Variants in RAB17 observed in about 807,000 individuals in gnomAD.
The protein encoded by RAB17 is ras-related protein Rab-17.
RAB17 carries 15 observed loss-of-function variants against 19.3 expected under a neutral mutation model. The observed-to-expected ratio is 0.78, with a 90% CI of 0.52 to 1.20. The LOEUF is 1.20. Among genes scored for constraint, RAB17 ranks in the 50% most tolerant of loss-of-function variants. RAB17 has a pLI of 0.00. For missense variants in RAB17, 262 were observed against 269.3 expected, an observed-to-expected ratio of 0.97 and a Z score of 0.19; for synonymous variants, 110 against 112.8, an observed-to-expected ratio of 0.97 and a Z score of 0.16.
chr2:237,586,540 A>G (rs2081351944), intron 1 of RAB17, among the ~76,000 whole-genome samples: 1 of 152,164 alleles, frequency 6.6e-6, no homozygotes, highest in Non-Finnish European at 1.5e-5. Context: ...AGGAGAGGTA[A>G]AAAGCATCTG....
In RAB17 at chr2:237,575,066, C is replaced by T; in HGVS notation, c.592G>A (p.Ala198Thr). The T allele has an allele frequency of 6.2e-7, 1 of 1,613,802 alleles. No homozygotes were observed. The highest frequency in any genetic ancestry group is 8.5e-7 in the Non-Finnish European group (1 of 1,179,908). Residue 198 changes from alanine to threonine, a missense_variant, in exon 6 of 6, where the codon GCT (alanine) becomes ACT (threonine). By Grantham distance (58) the Ala-to-Thr change is moderately conservative (BLOSUM62 0). Coordinates refer to ENST00000264601, the MANE Select transcript of RAB17 (RefSeq NM_022449.4). ...TGCCTCGCGGGCCCCTTGTTCAGAG[C>T]CACAGCTGCATCCCCCCGTAGAGCC... ...GQALRGDAAV[A>T]LNKGPARQAK...
At chr2:237,575,303 C>A (rs1280460069) in intron 5 of RAB17, 84 bp downstream of exon 5, 3 of 1,180,956 alleles carry the variant, frequency 2.5e-6, no homozygotes, top group African/African-American at 3.0e-5. Flanking sequence ...CTATGGGATA[C>A]CACGTCACCA....
At chr2:237,588,504 G>A (rs111620100) in intron 1 of RAB17, among the ~76,000 whole-genome samples, 1 of 152,176 alleles carries the variant, frequency 6.6e-6, no homozygotes, top group African/African-American at 2.4e-5. Context: ...GTCAGCTGGG[G>A]ACAGGCTCTC....
intron 2 of RAB17, among the ~76,000 whole-genome samples, chr2:237,585,026 A>G (rs2081338760): frequency 6.6e-6 from 1 of 152,134 alleles, no homozygotes; most frequent in Non-Finnish European, 1.5e-5. Flanking sequence ...TCCCCTGGGG[A>G]TCCTTCAGGA....
intron 4 of RAB17, chr2:237,575,911 G>C (rs1335800382): frequency 5.9e-6 from 1 of 170,774 alleles, no homozygotes; most frequent in Non-Finnish European, 1.3e-5. Context: ...GCTCTCCTCT[G>C]GGGAGAAATG....
intron 3 of RAB17, 80 bp from the exon 4 acceptor site, chr2:237,577,462 T>C (rs2081274784): frequency 1.4e-6 from 2 of 1,464,720 alleles, no homozygotes; most frequent in Non-Finnish European, 1.8e-6. Context: ...AAGCCAGTGT[T>C]GCTGATCACG....
chr2:237,577,089 GTGCATGTGTGTAAA>G (rs1337821689), intron 4 of RAB17, among the ~76,000 whole-genome samples, 154 bp downstream of exon 4: 1 of 152,036 alleles, frequency 6.6e-6, no homozygotes, highest in Non-Finnish European at 1.5e-5. Context: ...TGTGGGGGGT[GTGCATGTGTGTAAA>G]TGCATGTGGG....
rs1159574642 is a variant in RAB17 at position 237,575,410 on chromosome 2, A to G, written c.506T>C (p.Val169Ala). Residue 169 changes from valine to alanine, a missense_variant, in exon 5 of 6, where the codon GTG (valine) becomes GCG (alanine). Val to Ala is a moderately conservative substitution (Grantham distance 64, BLOSUM62 0). Coordinates refer to ENST00000264601, the MANE Select transcript of RAB17 (RefSeq NM_022449.4). ...ACCCACTGTATTGAACACCTCCGAC[A>G]CCTGGTGGTTCAGTTTGGCCGAAGT... ...METSAKLNHQVSEVFNTVAQE... is the reference protein window; with the variant it reads ...METSAKLNHQASEVFNTVAQE... 1.2e-6 allele frequency: 2 copies of G among 1,612,118 alleles called. No homozygotes were observed. Among genetic ancestry groups the G allele is most frequent in the East Asian group, 2.2e-5 (1 of 44,862 alleles).
intron 1 of RAB17, among the ~76,000 whole-genome samples, chr2:237,587,071 C>T (rs771627584): frequency 1.1e-4 from 17 of 152,150 alleles, no homozygotes; most frequent in Non-Finnish European, 1.5e-4. Flanking sequence ...TTTTTGATAC[C>T]GCGGTGGTTC....
chr2:237,578,181 T>A, intron 2 of RAB17, 26 bp from the exon 3 acceptor site: 1 of 1,588,936 alleles, frequency 6.3e-7, no homozygotes, highest in Non-Finnish European at 8.6e-7. Context: ...CCAGAGGGCT[T>A]ACTCAGAGGA....
intron 1 of RAB17, 71 bp from the exon 2 acceptor site, chr2:237,586,228 G>A (rs369485566): frequency 1.3e-5 from 20 of 1,492,572 alleles, no homozygotes; most frequent in Middle Eastern, 2.2e-4. Flanking sequence ...GCTCAACCCC[G>A]GGGCTGCTTC....
At chr2:237,576,780 C>A (rs2149181618) in intron 4 of RAB17, 2 of 467,208 alleles carry the variant, frequency 4.3e-6, no homozygotes, top group Admixed American at 2.4e-5. Context: ...GGAGGACTGA[C>A]AAAACTCGAG....
At chr2:237,578,281 C>A (rs192376400) in intron 2 of RAB17, 126 bp from the exon 3 acceptor site, 24 of 891,090 alleles carry the variant, frequency 2.7e-5, no homozygotes, top group Non-Finnish European at 3.5e-5. Flanking sequence ...GCATCTCCCA[C>A]GCCCGCATGG....
Position 237,574,450 on chromosome 2 carries a change from C to A in RAB17, c.*569G>T. The A allele has an allele frequency of 6.5e-7, 1 of 1,550,372 alleles. No individual in the cohort carries two copies. Among genetic ancestry groups the A allele is most frequent in the Non-Finnish European group, 8.7e-7 (1 of 1,146,758 alleles). On this transcript the variant is annotated 3_prime_UTR_variant, in exon 6 of 6. Coordinates refer to ENST00000264601, the MANE Select transcript of RAB17 (RefSeq NM_022449.4). The stretch of plus-strand genomic sequence containing the variant: ...AACTCAGCTTCACCACATTGCCAGC[C>A]GGGAGACCATGGAAGGGAACTGGCG...
rs762771899 is a variant in RAB17, at chr2:237,586,128, C to CT, written c.26dup (p.Pro10AlafsTer23). On this transcript the variant is annotated frameshift_variant, in exon 2 of 6. Transcript: ENST00000264601. LOFTEE classifies it high-confidence loss of function. The stretch of plus-strand genomic sequence containing the variant: ...GGGGCTGGCTGGGGGCAGCCCTGGG[C>CT]TGGGGGGTCCTGTGTGCCTGTGCCA... 6.2e-7 allele frequency: 1 copy of CT among 1,606,794 alleles called. No individual in the cohort carries two copies. Among genetic ancestry groups the CT allele is most frequent in the South Asian group, 1.1e-5 (1 of 89,976 alleles).
intron 1 of RAB17, among the ~76,000 whole-genome samples, chr2:237,587,553 AG>A (rs552806335): frequency 8.0e-4 from 122 of 152,360 alleles, no homozygotes; most frequent in African/African-American, 2.7e-3. Flanking sequence ...GAGGGAATCA[AG>A]TTTGGAATCA....
chr2:237,576,399 C>T (rs1202056148), intron 4 of RAB17, among the ~76,000 whole-genome samples: 2 of 152,158 alleles, frequency 1.3e-5, no homozygotes, highest in Non-Finnish European at 2.9e-5. Flanking sequence ...TAGTCACTCT[C>T]AGAGGGCACA....
At chr2:237,586,878 T>C (rs12611793) in intron 1 of RAB17, among the ~76,000 whole-genome samples, 35,071 of 152,112 alleles carry the variant, frequency 0.23, 5,187 homozygotes, top group African/African-American at 0.42. Context: ...AACCTCCCCC[T>C]GCAGGGTACT....
chr2:237,577,880 G>A, intron 3 of RAB17, 124 bp downstream of exon 3: 2 of 1,110,072 alleles, frequency 1.8e-6, no homozygotes, highest in Non-Finnish European at 2.6e-6. Flanking sequence ...CCTGGAGGAG[G>A]TGACTGTTGC....
Sources: allele counts gnomAD v4.1 joint callset (sites outside exome capture counted in the v4.1 genomes callset), GRCh38; gene constraint gnomAD v4.1.1; transcripts MANE v1.5; gene names NCBI Gene and HGNC (gene_info 2026-07-23, HGNC 2026-07-21).